RFLNA: variants seen among roughly 807,000 people sequenced by gnomAD.
RFLNA encodes refilin A, also known as refilin-A.
Under a neutral mutation model 7.8 loss-of-function variants are expected in RFLNA, and 5 were observed. The ratio of observed to expected loss-of-function variants is 0.64; its 90% CI spans 0.34 to 1.35. The LOEUF is 1.35. Among genes scored for constraint, RFLNA ranks in the 40% most tolerant of loss-of-function variants. The pLI is 0.04. For synonymous variants in RFLNA, 141 were observed against 131.3 expected (o/e 1.07, Z -0.50); for missense variants, 278 against 305.5 (o/e 0.91, Z 0.67).
intron 1 of RFLNA, among the ~76,000 whole-genome samples, chr12:124,305,738 T>C (rs1007787701): frequency 6.6e-6 from 1 of 152,188 alleles, no homozygotes; most frequent in Non-Finnish European, 1.5e-5. Context: ...CAGGACCATA[T>C]CCCATCTCAG....
chr12:124,291,377 C>T (rs1009234884), upstream of RFLNA, among the ~76,000 whole-genome samples: 1 of 152,142 alleles, frequency 6.6e-6, no homozygotes, highest in Non-Finnish European at 1.5e-5. Flanking sequence ...GCCTCAGCCT[C>T]CTGTGTAGCT....
In RFLNA at chr12:124,314,518, C is replaced by G; in HGVS notation, c.644C>G (p.Thr215Arg). The G allele has an allele frequency of 6.3e-7, 1 of 1,579,030 alleles. No individual in the cohort carries two copies. Among genetic ancestry groups the G allele is most frequent in the Non-Finnish European group, 8.6e-7 (1 of 1,169,358 alleles). Reference sequence around the variant, plus strand: ...GCCCCCAGCCTCCTGGGCCCTGCCACGCTCTGACGGGGCTGGGGCCGGCCC... The same window carrying G: ...GCCCCCAGCCTCCTGGGCCCTGCCAGGCTCTGACGGGGCTGGGGCCGGCCC... ...DPAPSLLGPA[T>R]L Residue 215 changes from threonine (T) to arginine (R), a missense_variant, in exon 3 of 3, where the codon ACG becomes AGG. Physicochemically the swap from Thr to Arg is moderately conservative, Grantham distance 71 (BLOSUM62 -1). Transcript: ENST00000546355.
rs1310561027 is a variant in RFLNA, at chr12:124,314,342, G to A, written c.468G>A (p.Glu156=). The A allele has an allele frequency of 6.2e-7, 1 of 1,613,428 alleles. No homozygotes were observed. The highest frequency in any genetic ancestry group is 1.1e-5 in the South Asian group (1 of 91,076). ...WRNYRSQLTL[E]PRPRALRFRS... ...ACTACCGCAGCCAGCTGACCCTGGA[G>A]CCACGCCCGCGCGCCCTGCGCTTCC... Residue 156 remains glutamate, a synonymous_variant, in exon 3 of 3, where the codon GAG becomes GAA. Coordinates refer to ENST00000546355, the MANE Select transcript of RFLNA (RefSeq NM_001365156.1).
Position 124,303,886 on chromosome 12 carries a change from C to G in RFLNA, c.208-7932C>G, listed in dbSNP as rs376009241. On this transcript the variant is annotated intron_variant, in intron 1 of 2. Transcript: ENST00000546355. ...GGAGCGGGCCTGTCTGGGGGCTTCC[C>G]GTGCCCAAGGTGGCCGCATGGCCAG... is the stretch of plus-strand genomic sequence containing the variant. Among the ~76,000 whole-genome samples, 138 of 152,282 alleles carry G rather than the reference C, an allele frequency of 9.1e-4. 1 individual carries two copies. The East Asian group carries it at 0.024, about 26-fold the overall frequency.
At chr12:124,309,496 C>T (rs1030493731) in intron 1 of RFLNA, among the ~76,000 whole-genome samples, 8 of 152,230 alleles carry the variant, frequency 5.3e-5, no homozygotes, top group African/African-American at 1.4e-4. Flanking sequence ...GCTGTGGCCG[C>T]GAGCATCTCT....
At chr12:124,300,643 G>A (rs535948228) in intron 1 of RFLNA, among the ~76,000 whole-genome samples, 2 of 151,488 alleles carry the variant, frequency 1.3e-5, no homozygotes, top group South Asian at 4.2e-4. Flanking sequence ...TGGATGGATG[G>A]ATGGATCGAT....
At chr12:124,298,032 G>A (rs1171037773) in intron 1 of RFLNA, among the ~76,000 whole-genome samples, 1 of 152,254 alleles carries the variant, frequency 6.6e-6, no homozygotes, top group Non-Finnish European at 1.5e-5. Flanking sequence ...ACCCGAGGAA[G>A]AGGATGGGGT....
At chr12:124,303,669 CTG>C (rs2034087401) in intron 1 of RFLNA, among the ~76,000 whole-genome samples, 1 of 152,266 alleles carries the variant, frequency 6.6e-6, no homozygotes, top group Non-Finnish European at 1.5e-5. Flanking sequence ...AACCACCAGC[CTG>C]TGTCTTGGGC....
In RFLNA at chr12:124,311,847, G is replaced by T. The variant is rs201488470; in HGVS notation, c.237G>T (p.Ala79=). The T allele has an allele frequency of 1.9e-6, 3 of 1,598,308 alleles. No homozygotes were observed. The highest frequency in any genetic ancestry group is 2.6e-6 in the Non-Finnish European group (3 of 1,173,108). ...CCTCCCAACTCCCAAATCCCCCGGCGTCGGAGATGAGGCCCCGGATGCTGC... is the reference window on the plus strand; with the variant it reads ...CCTCCCAACTCCCAAATCCCCCGGCTTCGGAGATGAGGCCCCGGATGCTGC... ...APPSQLPNPP[A]SEMRPRMLPV... is the part of the protein sequence containing the mutation. Residue 79 remains alanine, a synonymous_variant, in exon 2 of 3, where the codon GCG becomes GCT. Coordinates refer to ENST00000546355, the MANE Select transcript of RFLNA (RefSeq NM_001365156.1).
rs745572905 is a variant in RFLNA at position 124,314,697 on chromosome 12, A to G, written c.*172A>G. ...CTCCCCGCTGCCTGCCCTGACCTAC[A>G]GGCTAGGTGGTGGTCTCCTTGTTTT... On this transcript the variant is annotated 3_prime_UTR_variant, in exon 3 of 3. Transcript: ENST00000546355. 2.5e-5 allele frequency: 27 copies of G among 1,080,474 alleles called. No homozygotes were observed. The highest frequency in any genetic ancestry group is 3.7e-5 in the Non-Finnish European group (27 of 731,308). 66.9% of individuals were successfully genotyped at this position (1,080,474 alleles called of 1,614,324 possible).
chr12:124,294,185 C>T (rs1244057650), upstream of RFLNA, among the ~76,000 whole-genome samples: 1 of 152,220 alleles, frequency 6.6e-6, no homozygotes, highest in Non-Finnish European at 1.5e-5. Context: ...CTTCCCGCCC[C>T]TGATCTTGGG....
rs558041026 is a variant in RFLNA, at chr12:124,303,591, C to T, written c.207+7955C>T. On this transcript the variant is annotated intron_variant, in intron 1 of 2. Coordinates refer to ENST00000546355, the MANE Select transcript of RFLNA (RefSeq NM_001365156.1). ...CATCTGGGTGACCCTCCTGTGTGCC[C>T]GAGAAGCACTTGTTCTCCCCTGTCC... is the stretch of plus-strand genomic sequence containing the variant. Among the ~76,000 whole-genome samples the T allele has an allele frequency of 3.2e-3, 491 of 152,276 alleles. 4 individuals are homozygous for T. The highest frequency in any genetic ancestry group is 0.011 in the African/African-American group (467 of 41,550).
intron 2 of RFLNA, among the ~76,000 whole-genome samples, chr12:124,313,163 G>A (rs2034283299): frequency 6.6e-6 from 1 of 152,198 alleles, no homozygotes; most frequent in South Asian, 2.1e-4. Flanking sequence ...GTGGAGGATG[G>A]ATGCCTTGAC....
At chr12:124,296,090 T>TTC (rs1271019929) in intron 1 of RFLNA, among the ~76,000 whole-genome samples, 3 of 5,896 alleles carry the variant, frequency 5.1e-4, no homozygotes, top group Non-Finnish European at 1.8e-3. Flanking sequence ...CTTTCTTTCT[T>TTC]TCTTTCTTTC....
At chr12:124,309,809 C>T (rs1206550618) in intron 1 of RFLNA, among the ~76,000 whole-genome samples, 1 of 152,132 alleles carries the variant, frequency 6.6e-6, no homozygotes, top group Admixed American at 6.5e-5. Flanking sequence ...CCATGTGTTC[C>T]CAACGGGTTG....
In RFLNA at chr12:124,314,699, G is replaced by A; in HGVS notation, c.*174G>A. 5 of 1,061,952 alleles carry A rather than the reference G, an allele frequency of 4.7e-6. No individual in the cohort carries two copies. The highest frequency in any genetic ancestry group is 7.0e-6 in the Non-Finnish European group (5 of 714,350). 65.8% of individuals were successfully genotyped at this position (1,061,952 alleles called of 1,614,324 possible). ...CCCCGCTGCCTGCCCTGACCTACAGGCTAGGTGGTGGTCTCCTTGTTTTGG... is the reference window on the plus strand; with the variant it reads ...CCCCGCTGCCTGCCCTGACCTACAGACTAGGTGGTGGTCTCCTTGTTTTGG... On this transcript the variant is annotated 3_prime_UTR_variant, in exon 3 of 3. Transcript: ENST00000546355.
At chr12:124,313,645 C>G (rs1013497472) in intron 2 of RFLNA, among the ~76,000 whole-genome samples, 12 of 150,960 alleles carry the variant, frequency 7.9e-5, no homozygotes, top group Non-Finnish European at 1.8e-4. Context: ...CGCCACTGCA[C>G]TCCAGCCTGG....
chr12:124,299,471 T>G (rs2033988901), intron 1 of RFLNA, among the ~76,000 whole-genome samples: 1 of 152,270 alleles, frequency 6.6e-6, no homozygotes, highest in African/African-American at 2.4e-5. Flanking sequence ...CAGTACACAC[T>G]GAACCCAATT....
At chr12:124,308,567 G>A (rs1203745182) in intron 1 of RFLNA, among the ~76,000 whole-genome samples, 2 of 152,186 alleles carry the variant, frequency 1.3e-5, no homozygotes, top group Non-Finnish European at 2.9e-5. Flanking sequence ...GCCACACTGG[G>A]CCATGCCCCA....
Sources: gnomAD v4.1 joint callset for allele counts (sites outside exome capture counted in the v4.1 genomes callset) on GRCh38, gnomAD v4.1.1 for gene constraint, MANE v1.5 for transcripts, NCBI Gene and HGNC (gene_info 2026-07-23, HGNC 2026-07-21) for gene names.